The following ARPP21 variants were observed in gnomAD, a reference collection of about 807,000 sequenced individuals.
ARPP21 encodes the protein cAMP-regulated phosphoprotein 21.
In ARPP21, 69 loss-of-function variants were observed where a neutral mutation model predicts 113.2. That is an observed-to-expected ratio of 0.61 (90% CI 0.50 to 0.74). The LOEUF is 0.74. ARPP21 is among the 30% of genes least tolerant of loss of function. The pLI, the probability that ARPP21 is intolerant of heterozygous loss-of-function variation, is 0.00. For synonymous variants in ARPP21, 368 were observed against 375.5 expected, an observed-to-expected ratio of 0.98 and a Z score of 0.23; for missense variants, 1,070 against 1,037.4, an observed-to-expected ratio of 1.03 and a Z score of -0.43.
chr3:35,759,669 TCTC>T (rs1244883251), intron 19 of ARPP21, among the ~76,000 whole-genome samples: 1 of 131,620 alleles, frequency 7.6e-6, no homozygotes. Context: ...CCTTTCATTT[TCTC>T]TCTCTGTGTG....
intron 9 of ARPP21, among the ~76,000 whole-genome samples, chr3:35,693,737 T>C (rs2149696266): frequency 6.6e-6 from 1 of 151,812 alleles, no homozygotes; most frequent in East Asian, 1.9e-4. Flanking sequence ...GCAATCAACA[T>C]GTGTTGGTCA....
At chr3:35,771,033 T>C (rs2096181078) in intron 19 of ARPP21, among the ~76,000 whole-genome samples, 1 of 152,194 alleles carries the variant, frequency 6.6e-6, no homozygotes, top group Non-Finnish European at 1.5e-5. Context: ...CTGAAGAAAC[T>C]GCGGAATAGT....
At chr3:35,658,625 T>C (rs954012770) in intron 1 of ARPP21, among the ~76,000 whole-genome samples, 9 of 152,080 alleles carry the variant, frequency 5.9e-5, no homozygotes, top group African/African-American at 2.2e-4. Context: ...CCATAAGCCT[T>C]GTGAGGAAAT....
In ARPP21 at chr3:35,793,822, T is replaced by G. The variant is rs761307667; in HGVS notation, c.2408T>G (p.Val803Gly). ...PATGMPVYCN[V>G]TPPTPQNNLR... ...ACTGGAATGCCTGTTTACTGTAATG[T>G]CACACCGCCCACCCCTCAGAACAAC... The change falls in exon 21 of 21, where the codon GTC becomes GGC. Residue 803 changes from valine (V) to glycine (G), a missense_variant. Transcript: ENST00000684406. 6.2e-7 allele frequency: 1 copy of G among 1,614,214 alleles called. No individual in the cohort carries two copies. The highest frequency in any genetic ancestry group is 8.5e-7 in the Non-Finnish European group (1 of 1,180,040).
chr3:35,737,479 A>G (rs1242633640), intron 16 of ARPP21, 117 bp downstream of exon 16: 1 of 637,932 alleles, frequency 1.6e-6, no homozygotes, highest in African/African-American at 1.8e-5. Context: ...CCTCACAAAT[A>G]AAACCTGGCA....
intron 14 of ARPP21, among the ~76,000 whole-genome samples, chr3:35,726,001 G>C (rs1054153709): frequency 6.6e-5 from 10 of 152,182 alleles, no homozygotes; most frequent in African/African-American, 2.4e-4. Flanking sequence ...CTGGGTTTGA[G>C]CTTGGATTCT....
chr3:35,677,932 C>A (rs2149410644), intron 1 of ARPP21, among the ~76,000 whole-genome samples: 1 of 152,010 alleles, frequency 6.6e-6, no homozygotes, highest in East Asian at 1.9e-4. Flanking sequence ...CCATATGTTC[C>A]TCTCTGCTCA....
chr3:35,652,999 G>A (rs1423793803), intron 1 of ARPP21, among the ~76,000 whole-genome samples: 1 of 152,048 alleles, frequency 6.6e-6, no homozygotes, highest in African/African-American at 2.4e-5. Context: ...CAGGGACAGT[G>A]ATAAGTGAAA....
chr3:35,652,794 C>G (rs1702979504), intron 1 of ARPP21, among the ~76,000 whole-genome samples: 1 of 152,072 alleles, frequency 6.6e-6, no homozygotes, highest in Non-Finnish European at 1.5e-5. Context: ...TACCATGTGG[C>G]CATTTGTGGA....
intron 19 of ARPP21, among the ~76,000 whole-genome samples, chr3:35,762,275 C>T (rs765570205): frequency 1.6e-4 from 24 of 151,904 alleles, no homozygotes; most frequent in Non-Finnish European, 3.2e-4. Flanking sequence ...AAAATATTCT[C>T]CTTTGTGCTA....
intron 11 of ARPP21, among the ~76,000 whole-genome samples, chr3:35,713,292 C>T (rs1304489659): frequency 6.6e-6 from 1 of 151,968 alleles, no homozygotes; most frequent in Admixed American, 6.6e-5. Context: ...CAGCCCATAA[C>T]TGTATCTATC....
chr3:35,728,567 T>C (rs1383093367), intron 14 of ARPP21, among the ~76,000 whole-genome samples: 2 of 151,772 alleles, frequency 1.3e-5, no homozygotes, highest in South Asian at 2.1e-4. Context: ...GTTTCAACTT[T>C]ACACACAAAA....
intron 4 of ARPP21, 39 bp from the exon 5 acceptor site, chr3:35,683,687 T>C: frequency 1.2e-6 from 1 of 820,306 alleles, no homozygotes; most frequent in Non-Finnish European, 2.1e-6. Context: ...TTTGTTTTCT[T>C]TATTTTCCTT....
At chr3:35,639,264 A>G (rs1255420551), upstream of ARPP21, among the ~76,000 whole-genome samples, 1 of 151,738 alleles carries the variant, frequency 6.6e-6, no homozygotes, top group South Asian at 2.1e-4. The surrounding 1 kb of genome is among the most constrained non-coding windows in gnomAD (Gnocchi z 5.0). Flanking sequence ...AGGTGCCATC[A>G]CTCTGGATGG....
intron 15 of ARPP21, among the ~76,000 whole-genome samples, chr3:35,730,123 T>A (rs946649710): frequency 5.3e-5 from 8 of 152,184 alleles, no homozygotes; most frequent in African/African-American, 1.9e-4. Context: ...TAGACTGATT[T>A]TGGTGGGGTT....
intron 1 of ARPP21, among the ~76,000 whole-genome samples, chr3:35,663,375 C>T (rs1192347062): frequency 6.6e-6 from 1 of 152,142 alleles, no homozygotes; most frequent in Non-Finnish European, 1.5e-5. Context: ...TGGACTGAAG[C>T]CCAGTCTGGG....
At chr3:35,671,130 A>G (rs994589934) in intron 1 of ARPP21, among the ~76,000 whole-genome samples, 4 of 152,124 alleles carry the variant, frequency 2.6e-5, no homozygotes, top group African/African-American at 9.7e-5. Context: ...CTTGTCTCCC[A>G]GGAAAAGAGA....
chr3:35,694,771 T>G (rs901490376), intron 9 of ARPP21, among the ~76,000 whole-genome samples: 13 of 151,016 alleles, frequency 8.6e-5, no homozygotes, highest in African/African-American at 3.1e-4. Flanking sequence ...GGACAAGATA[T>G]TTTTGAAGAT....
At chr3:35,781,340 C>A (rs1576987509) in intron 19 of ARPP21, 1 of 152,154 alleles carries the variant, frequency 6.6e-6, no homozygotes, top group African/African-American at 2.4e-5. Context: ...TAGCCTGGAG[C>A]AAGCCATTAA....
Sources: gnomAD v4.1 joint callset for allele counts (sites outside exome capture counted in the v4.1 genomes callset) on GRCh38, gnomAD v4.1.1 for gene constraint, Gnocchi (gnomAD v3.1) non-coding constraint, MANE v1.5 for transcripts, NCBI Gene and HGNC (gene_info 2026-07-23, HGNC 2026-07-21) for gene names.